Variants in TACC2 observed in about 807,000 individuals in gnomAD.
TACC2 encodes transforming acidic coiled-coil-containing protein 2.
A neutral mutation model predicts 227.3 loss-of-function variants in TACC2; 137 were observed. That is an observed-to-expected ratio of 0.60 (90% confidence interval 0.52 to 0.69). The LOEUF (loss-of-function observed/expected upper bound fraction) is 0.69. TACC2 is among the 30% of genes least tolerant of loss of function. The pLI is 0.00. For synonymous variants in TACC2, 1,523 were observed against 1,487.5 expected, an observed-to-expected ratio of 1.02 and a Z score of -0.55; for missense variants, 3,470 against 3,694.4, an observed-to-expected ratio of 0.94 and a Z score of 1.57.
intron 2 of TACC2, among the ~76,000 whole-genome samples, chr10:122,048,408 C>CCTCG (rs1398314194): frequency 2.3e-4 from 31 of 132,596 alleles, no homozygotes; most frequent in Non-Finnish European, 3.5e-4. Flanking sequence ...TTCCTTCCTC[C>CCTCG]CTCCCTCCCT....
rs1182941758 is a variant in TACC2, at chr10:122,150,801, T to C, written c.5834+7095T>C. Among the ~76,000 whole-genome samples, 2 of 152,230 alleles carry C rather than the reference T, an allele frequency of 1.3e-5. No individual in the cohort carries two copies. The highest frequency in any genetic ancestry group is 4.8e-5 in the African/African-American group (2 of 41,462). On this transcript the variant is annotated intron_variant, in intron 7 of 22. Coordinates refer to ENST00000369005, the MANE Select transcript of TACC2 (RefSeq NM_206862.4). This position sits in a 1 kb window ranked among gnomAD's most constrained non-coding sequence, Gnocchi z 4.0. ...GGAGTCTAGGTGGAGTCATGCAGCG[T>C]TCCTGGGTCCTTTCTTCTGCTTTGT...
chr10:122,088,354 G>T, intron 4 of TACC2, 124 bp from the exon 5 acceptor site: 2 of 695,958 alleles, frequency 2.9e-6, no homozygotes, highest in Admixed American at 3.8e-5. Context: ...TTTTCCTAGG[G>T]ATTTTTTTTT....
At chr10:122,032,733 G>C (rs1395491732) in intron 2 of TACC2, among the ~76,000 whole-genome samples, 1 of 152,138 alleles carries the variant, frequency 6.6e-6, no homozygotes, top group Non-Finnish European at 1.5e-5. Context: ...ACCGAGGTGG[G>C]TGATCACCTG....
rs186111089 is a variant in TACC2, at chr10:122,086,748, C to T, written c.4248C>T (p.Phe1416=). The part of the protein sequence containing the change: ...PDFREHIAKI[F]EKPVLGALAT... ...TCAGGGAGCACATCGCCAAGATCTT[C>T]GAGAAGCCTGTGCTCGGAGCCCTGG... is the stretch of plus-strand genomic sequence containing the variant. The change falls in exon 4 of 23, where the codon TTC becomes TTT. Residue 1416 remains phenylalanine (F), a synonymous_variant. Transcript: ENST00000369005. 116 of 1,613,910 alleles carry T rather than the reference C, an allele frequency of 7.2e-5. No homozygotes were observed. In the Middle Eastern group the frequency reaches 3.0e-3, roughly 41 times the overall value.
intron 5 of TACC2, among the ~76,000 whole-genome samples, chr10:122,125,039 GC>G (rs1051242244): frequency 1.0e-4 from 15 of 149,708 alleles, no homozygotes; most frequent in African/African-American, 3.7e-4. Flanking sequence ...CTGGGAAATC[GC>G]CATCCAGTCT....
intron 1 of TACC2, among the ~76,000 whole-genome samples, chr10:122,016,304 C>G (rs1214615100): frequency 6.7e-6 from 1 of 148,550 alleles, no homozygotes; most frequent in Non-Finnish European, 1.5e-5. Flanking sequence ...CGCGGTGGCT[C>G]ATGCCTATAA....
At chr10:122,107,270 C>T (rs1417176222) in intron 5 of TACC2, among the ~76,000 whole-genome samples, 1 of 152,154 alleles carries the variant, frequency 6.6e-6, no homozygotes, top group Non-Finnish European at 1.5e-5. Flanking sequence ...TGCGGTGGCT[C>T]ATGCTTCTAA....
intron 5 of TACC2, among the ~76,000 whole-genome samples, chr10:122,132,032 A>AAAAGAAAGAAAG (rs1555058736): frequency 3.3e-5 from 1 of 30,272 alleles, no homozygotes; most frequent in Admixed American, 6.9e-4. Context: ...AAAAGAAAGA[A>AAAAGAAAGAAAG]AAAGAAAGAA....
intron 7 of TACC2, among the ~76,000 whole-genome samples, chr10:122,154,538 G>A (rs10887094): frequency 0.78 from 119,267 of 152,196 alleles, 47,315 homozygotes; most frequent in Non-Finnish European, 0.86. Flanking sequence ...CTCTCACAAC[G>A]ATTCCTTAAG....
Position 122,216,770 on chromosome 10 carries a change from G to GCAGCC in TACC2, c.7490_7494dup (p.Asp2500ProfsTer8). 6.2e-7 allele frequency: 1 copy of GCAGCC among 1,614,046 alleles called. No individual in the cohort carries two copies. On this transcript the variant is annotated frameshift_variant, in exon 11 of 23. Coordinates refer to ENST00000369005, the MANE Select transcript of TACC2 (RefSeq NM_206862.4). LOFTEE classifies it high-confidence loss of function. The stretch of plus-strand genomic sequence containing the variant: ...TAGAGGCTGACAAACAGGACTACCC[G>GCAGCC]CAGCCCTCGGACCTGTCCACCTTTG...
At chr10:122,074,094 T>G (rs2078481695) in intron 3 of TACC2, among the ~76,000 whole-genome samples, 1 of 149,712 alleles carries the variant, frequency 6.7e-6, no homozygotes, top group Non-Finnish European at 1.5e-5. Context: ...TTTTTTTTTT[T>G]TTTTGAGACG....
intron 16 of TACC2, among the ~76,000 whole-genome samples, chr10:122,232,422 T>G (rs1183537039): frequency 6.6e-6 from 1 of 152,214 alleles, no homozygotes; most frequent in East Asian, 1.9e-4. Context: ...TGGCAAATAA[T>G]GGCCAGGAGT....
chr10:122,131,534 A>C, intron 5 of TACC2, among the ~76,000 whole-genome samples: 1 of 152,222 alleles, frequency 6.6e-6, no homozygotes, highest in Non-Finnish European at 1.5e-5. Flanking sequence ...TCATAGATCT[A>C]AACTTTAAAA....
At chr10:122,201,119 G>A (rs1414926994) in intron 8 of TACC2, among the ~76,000 whole-genome samples, 26 of 140,458 alleles carry the variant, frequency 1.9e-4, no homozygotes, top group Non-Finnish European at 3.7e-4. Flanking sequence ...GTGAGAGGAC[G>A]GCCACCTCAC....
At position 122,227,912 on chromosome 10, in the gene TACC2, C is replaced by T; in HGVS notation, c.7800C>T (p.Ala2600=). The T allele has an allele frequency of 6.2e-7, 1 of 1,614,224 alleles. No homozygotes were observed. The highest frequency in any genetic ancestry group is 8.5e-7 in the Non-Finnish European group (1 of 1,180,036). The change falls in exon 14 of 23, where the codon GCC becomes GCT. Residue 2600 remains alanine, a synonymous_variant. Coordinates refer to ENST00000369005, the MANE Select transcript of TACC2 (RefSeq NM_206862.4). Reference sequence around the variant, plus strand: ...AGCATCCTGTCCCACGAGGACTGGCCCCTAACCAAGAGTCACACTTGCAGG... The same window carrying T: ...AGCATCCTGTCCCACGAGGACTGGCTCCTAACCAAGAGTCACACTTGCAGG... ...KNQHPVPRGL[A]PNQESHLQVP... is the part of the protein sequence containing the mutation.
chr10:122,245,900 T>C (rs2096105155), intron 19 of TACC2, among the ~76,000 whole-genome samples: 1 of 152,142 alleles, frequency 6.6e-6, no homozygotes, highest in Admixed American at 6.5e-5. Flanking sequence ...GTCACTCGTA[T>C]GGAAAGTGTC....
chr10:122,237,933 A>G, intron 17 of TACC2, 28 bp from the exon 18 acceptor site: 1 of 1,573,824 alleles, frequency 6.4e-7, no homozygotes, highest in Non-Finnish European at 8.7e-7. Context: ...TTTGGGGCTA[A>G]CCTTTCTCTT....
intron 3 of TACC2, among the ~76,000 whole-genome samples, chr10:122,078,574 T>C (rs1309057825): frequency 2.0e-5 from 3 of 152,172 alleles, no homozygotes; most frequent in African/African-American, 7.2e-5. Context: ...ACAGAGGCAG[T>C]GCCCCCAGAG....
intron 5 of TACC2, among the ~76,000 whole-genome samples, chr10:122,115,313 TGTGTGTGA>T (rs1407672987): frequency 1.0e-3 from 9 of 8,788 alleles, no homozygotes; most frequent in African/African-American, 1.2e-3. Context: ...TGTGTGTGTG[TGTGTGTGA>T]GATACCTGAG....
Sources: allele counts gnomAD v4.1 joint callset (sites outside exome capture counted in the v4.1 genomes callset), GRCh38; gene constraint gnomAD v4.1.1; non-coding constraint Gnocchi (gnomAD v3.1); transcripts MANE v1.5; gene names NCBI Gene and HGNC (gene_info 2026-07-23, HGNC 2026-07-21).